Variants in IQGAP2 observed in about 807,000 individuals in gnomAD.
IQGAP2 encodes the protein ras GTPase-activating-like protein IQGAP2.
IQGAP2 carries 173 observed loss-of-function variants against 201.3 expected under a neutral mutation model. The ratio of observed to expected loss-of-function variants is 0.86; its 90% CI spans 0.76 to 0.98. The LOEUF is 0.98. Ranked by LOEUF, IQGAP2 falls within the 50% of genes least tolerant of loss-of-function variation. The pLI, the probability that IQGAP2 is intolerant of heterozygous loss-of-function variation, is 0.00. For synonymous variants in IQGAP2, 675 were observed against 673.9 expected (o/e 1.00, Z -0.03); for missense variants, 1,687 against 1,864.8 (o/e 0.90, Z 1.76).
chr5:76,578,553 C>CTAGA (rs1745622421), intron 5 of IQGAP2, among the ~76,000 whole-genome samples: 1 of 152,170 alleles, frequency 6.6e-6, no homozygotes, highest in Non-Finnish European at 1.5e-5. Context: ...ACCTCGTGAT[C>CTAGA]TGCCTGCCTC....
intron 17 of IQGAP2, among the ~76,000 whole-genome samples, chr5:76,643,865 T>C (rs1751787756): frequency 6.6e-6 from 1 of 152,104 alleles, no homozygotes; most frequent in Non-Finnish European, 1.5e-5. Flanking sequence ...GGGGATGGCC[T>C]GGGAGAGTCG....
In IQGAP2 at chr5:76,606,226, G is replaced by A. The variant is rs144559978; in HGVS notation, c.1280G>A (p.Gly427Glu). The change falls in exon 12 of 36, where the codon GGG becomes GAG. Residue 427 changes from glycine (G) to glutamate (E), a missense_variant. Transcript: ENST00000274364. The part of the protein sequence containing the change: ...LSVKLEVLSQ[G>E]QDNLSWNEIQ... ...GTTAAACTAGAAGTTTTATCCCAAG[G>A]GCAAGATAACTTAAGCTGGAATGAA... 143 of 1,604,588 alleles carry A rather than the reference G, an allele frequency of 8.9e-5. No individual in the cohort carries two copies. Among genetic ancestry groups the A allele is most frequent in the South Asian group, 3.0e-4 (27 of 89,498 alleles).
At chr5:76,571,523 G>A (rs1745117648) in intron 4 of IQGAP2, among the ~76,000 whole-genome samples, 1 of 152,082 alleles carries the variant, frequency 6.6e-6, no homozygotes, top group African/African-American at 2.4e-5. Context: ...CACTTGTAAA[G>A]GCTAGTGGGT....
chr5:76,696,511 G>A (rs1383167561), intron 32 of IQGAP2, among the ~76,000 whole-genome samples: 4 of 152,112 alleles, frequency 2.6e-5, no homozygotes, highest in African/African-American at 9.7e-5. Flanking sequence ...TGGGTTAGAA[G>A]GATATTTCAT....
chr5:76,621,373 C>T (rs1352045987), intron 13 of IQGAP2, among the ~76,000 whole-genome samples: 1 of 152,164 alleles, frequency 6.6e-6, no homozygotes, highest in Admixed American at 6.5e-5. Context: ...TGGGAGGCAG[C>T]ATTCTTCTAT....
chr5:76,592,871 T>TA lies in IQGAP2; in HGVS notation c.854dup (p.Tyr285Ter), dbSNP rs1279051580. The change falls in exon 9 of 36, where the codon TAT becomes TAAT. Residue 285 changes from tyrosine (Y) to a stop codon, truncating the protein, a stop_gained and frameshift_variant. Coordinates refer to ENST00000274364, the MANE Select transcript of IQGAP2 (RefSeq NM_006633.5). LOFTEE classifies it high-confidence loss of function. ...TATTTCAGAAGAAGAAAGAGATGCTTATGAAGAACTGCTGACACAAGCAGA... is the reference window on the plus strand; with the variant it reads ...TATTTCAGAAGAAGAAAGAGATGCTTAATGAAGAACTGCTGACACAAGCAGA... ...SCISEEERDA[Y>*]EELLTQAEIQ... 1 of 1,612,578 alleles carries TA rather than the reference T, an allele frequency of 6.2e-7. No individual in the cohort carries two copies. Among genetic ancestry groups the TA allele is most frequent in the Non-Finnish European group, 8.5e-7 (1 of 1,178,682 alleles).
At chr5:76,559,241 C>T (rs1183390000) in intron 2 of IQGAP2, among the ~76,000 whole-genome samples, 2 of 152,158 alleles carry the variant, frequency 1.3e-5, no homozygotes, top group African/African-American at 4.8e-5. Context: ...TCACCAAGTC[C>T]TCTTACTGTT....
At chr5:76,557,110 C>A (rs146747330) in intron 2 of IQGAP2, among the ~76,000 whole-genome samples, 77 of 152,266 alleles carry the variant, frequency 5.1e-4, no homozygotes, top group African/African-American at 1.7e-3. Flanking sequence ...TGGAAGCAGC[C>A]CTGCAGTGTT....
chr5:76,461,681 A>T lies in IQGAP2; in HGVS notation c.146+12A>T. 1 of 1,580,718 alleles carries T rather than the reference A, an allele frequency of 6.3e-7. No individual in the cohort carries two copies. The highest frequency in any genetic ancestry group is 1.1e-5 in the South Asian group (1 of 90,352). ...GAGGAAGCCAAAAGGTAAGATCCAG[A>T]CTTAGTCTATTTGTGCACCATCTCT... On this transcript the variant is annotated intron_variant, in intron 2 of 35. Transcript: ENST00000274364.
At chr5:76,654,013 A>G (rs1401518164) in intron 18 of IQGAP2, among the ~76,000 whole-genome samples, 187 bp from the exon 19 acceptor site, 2 of 152,226 alleles carry the variant, frequency 1.3e-5, no homozygotes, top group African/African-American at 4.8e-5. Flanking sequence ...GAACCCCTTA[A>G]GAAACCTCAG....
At chr5:76,673,892 G>A in intron 25 of IQGAP2, 60 bp from the exon 26 acceptor site, 2 of 1,017,740 alleles carry the variant, frequency 2.0e-6, no homozygotes, top group Non-Finnish European at 1.5e-6. Context: ...ATTGCTGTGT[G>A]TTTTTTCCTC....
chr5:76,570,929 GCCAACTC>G (rs1745071135), intron 4 of IQGAP2, among the ~76,000 whole-genome samples: 2 of 152,038 alleles, frequency 1.3e-5, no homozygotes, highest in Non-Finnish European at 2.9e-5. Flanking sequence ...ATCTAAAATA[GCCAACTC>G]CCTTTCTTGT....
intron 2 of IQGAP2, among the ~76,000 whole-genome samples, chr5:76,508,476 G>A (rs1016922684): frequency 2.0e-5 from 3 of 152,132 alleles, no homozygotes; most frequent in African/African-American, 7.2e-5. Context: ...TCTTAGAATG[G>A]CCTTTATGAT....
At chr5:76,444,740 A>G (rs1753269684) in intron 1 of IQGAP2, among the ~76,000 whole-genome samples, 1 of 152,242 alleles carries the variant, frequency 6.6e-6, no homozygotes, top group South Asian at 2.1e-4. Context: ...TTGGCAGTCG[A>G]AGAAGTAAAA....
intron 2 of IQGAP2, among the ~76,000 whole-genome samples, chr5:76,514,887 A>G (rs1272722681): frequency 2.6e-5 from 4 of 152,182 alleles, no homozygotes; most frequent in African/African-American, 9.7e-5. Context: ...AGCTGAATTC[A>G]GTGTGTCTGT....
intron 2 of IQGAP2, among the ~76,000 whole-genome samples, chr5:76,479,730 T>C (rs986121329): frequency 1.3e-5 from 2 of 152,162 alleles, no homozygotes; most frequent in Non-Finnish European, 2.9e-5. Context: ...TTAAGTAGGC[T>C]TTTTATGCAT....
Position 76,641,100 on chromosome 5 carries a change from A to G in IQGAP2, c.2091A>G (p.Ile697Met), listed in dbSNP as rs746549754. 6.3e-7 allele frequency: 1 copy of G among 1,594,472 alleles called. No individual in the cohort carries two copies. The highest frequency in any genetic ancestry group is 1.1e-5 in the South Asian group (1 of 90,170). Residue 697 changes from isoleucine (I) to methionine (M), a missense_variant, in exon 17 of 36, where the codon ATA (isoleucine) becomes ATG (methionine). Coordinates refer to ENST00000274364, the MANE Select transcript of IQGAP2 (RefSeq NM_006633.5). ...AACAAGAAGAGAATGTGGTCAAAAT[A>G]CAGGTATGTGGATCACCTGCCACTG... ...LHEQEENVVKIQAFWKGYKQR... is the reference protein window; with the variant it reads ...LHEQEENVVKMQAFWKGYKQR...
intron 1 of IQGAP2, among the ~76,000 whole-genome samples, chr5:76,454,954 G>T: frequency 6.6e-6 from 1 of 152,148 alleles, no homozygotes; most frequent in Non-Finnish European, 1.5e-5. Flanking sequence ...TTCAGCACCT[G>T]TTGTTTCCTG....
chr5:76,506,836 A>C (rs1244918087), intron 2 of IQGAP2, among the ~76,000 whole-genome samples: 2 of 152,234 alleles, frequency 1.3e-5, no homozygotes, highest in Non-Finnish European at 2.9e-5. Flanking sequence ...TATGTGAGGA[A>C]AACTGCAAAA....
Sources: gnomAD v4.1 joint callset for allele counts (sites outside exome capture counted in the v4.1 genomes callset) on GRCh38, gnomAD v4.1.1 for gene constraint, MANE v1.5 for transcripts, NCBI Gene and HGNC (gene_info 2026-07-23, HGNC 2026-07-21) for gene names.